The following KLHL25 variants were observed in gnomAD, a reference collection of about 807,000 sequenced individuals.
The protein encoded by KLHL25 is kelch like family member 25.
Under a neutral mutation model 30.0 loss-of-function variants are expected in KLHL25, and 41 were observed. That is an observed-to-expected ratio of 1.37 (90% confidence interval 1.07 to 1.78). The LOEUF (loss-of-function observed/expected upper bound fraction) is 1.78, where lower values mean the gene tolerates loss of function less well. Ranked by LOEUF, KLHL25 falls within the 40% of genes most tolerant of loss-of-function variation. The pLI is 0.00. For missense variants in KLHL25, 971 were observed against 824.5 expected (o/e 1.18, Z -2.18); for synonymous variants, 399 against 355.3 (o/e 1.12, Z -1.38).
chr15:85,769,748 G>A lies in KLHL25; in HGVS notation c.63C>T (p.Thr21=), dbSNP rs745326438. ...SRSSTGSMNV[T]LFHKASHPDC... The stretch of plus-strand genomic sequence containing the variant: ...CCGGGTGGGAGGCCTTGTGGAAGAG[G>A]GTGACGTTCATGGACCCCGTGCTGC... The change falls in exon 2 of 3, where the codon ACC becomes ACT. Residue 21 remains threonine, a synonymous_variant. Transcript: ENST00000337975. The A allele has an allele frequency of 1.2e-6, 2 of 1,613,636 alleles. No homozygotes were observed. Among genetic ancestry groups the A allele is most frequent in the Non-Finnish European group, 1.7e-6 (2 of 1,180,034 alleles).
At chr15:85,776,421 G>A (rs957387006) in intron 1 of KLHL25, among the ~76,000 whole-genome samples, 2 of 151,738 alleles carry the variant, frequency 1.3e-5, no homozygotes, top group African/African-American at 2.4e-5. Context: ...CCTGGGAGGT[G>A]AAGGTTGCAG....
chr15:85,762,078 C>A (rs1159801239), intron 2 of KLHL25: 1 of 152,340 alleles, frequency 6.6e-6, no homozygotes, highest in Non-Finnish European at 1.5e-5. Flanking sequence ...CTGCCCTCCC[C>A]ACGTGCTCAA....
intron 1 of KLHL25, chr15:85,770,504 T>A (rs1426865381): frequency 1.9e-6 from 1 of 534,330 alleles, no homozygotes; most frequent in Admixed American, 1.9e-5. Context: ...AGAGCCGCCA[T>A]CAAGGCCCAA....
intron 1 of KLHL25, among the ~76,000 whole-genome samples, chr15:85,777,257 T>C (rs1379431216): frequency 6.6e-6 from 1 of 152,140 alleles, no homozygotes; most frequent in Non-Finnish European, 1.5e-5. Context: ...CAGCCAATGC[T>C]CACCCCAATA....
chr15:85,775,865 A>T (rs1189558746), intron 1 of KLHL25, among the ~76,000 whole-genome samples: 8 of 5,944 alleles, frequency 1.3e-3, no homozygotes, highest in East Asian at 0.053. Context: ...TGGCTCGTTT[A>T]AAAAAAAAAA....
At chr15:85,788,280 C>G (rs1421702805) in intron 1 of KLHL25, among the ~76,000 whole-genome samples, 1 of 152,172 alleles carries the variant, frequency 6.6e-6, no homozygotes, top group Non-Finnish European at 1.5e-5. Context: ...AGGCCTTTCT[C>G]TGATCCTCCC....
At chr15:85,766,245 G>A (rs528647098) in intron 2 of KLHL25, among the ~76,000 whole-genome samples, 7 of 152,200 alleles carry the variant, frequency 4.6e-5, no homozygotes, top group East Asian at 3.8e-4. Context: ...GGCTCCCTCC[G>A]GCAGGACAGC....
chr15:85,769,591 T>G lies in KLHL25; in HGVS notation c.220A>C (p.Met74Leu). 1 of 1,613,808 alleles carries G rather than the reference T, an allele frequency of 6.2e-7. No individual in the cohort carries two copies. Among genetic ancestry groups the G allele is most frequent in the Non-Finnish European group, 8.5e-7 (1 of 1,180,024 alleles). ...LAASSRYFEA[M>L]FSHGLRESRD... is the part of the protein sequence containing the mutation. Reference sequence around the variant, plus strand: ...CTCTCCCGAAGGCCATGGCTGAACATGGCCTCAAAATAGCGGCTAGAGGCG... The same window carrying G: ...CTCTCCCGAAGGCCATGGCTGAACAGGGCCTCAAAATAGCGGCTAGAGGCG... Residue 74 changes from methionine to leucine, a missense_variant, in exon 2 of 3, where the codon ATG becomes CTG. Physicochemically the swap from Met to Leu is conservative, Grantham distance 15 (BLOSUM62 2). Transcript: ENST00000337975.
At position 85,764,974 on chromosome 15, in the gene KLHL25, G is replaced by A. The variant is rs1273796702; in HGVS notation, c.*24+3043C>T. ...TCTCCTTCCAGGGTCCCTGGGATCA[G>A]AGCAATTCCTGGGAGAGTACATGGT... On this transcript the variant is annotated intron_variant, in intron 2 of 2. Coordinates refer to ENST00000337975, the MANE Select transcript of KLHL25 (RefSeq NM_022480.4). Among the ~76,000 whole-genome samples, 3 of 152,234 alleles carry A rather than the reference G, an allele frequency of 2.0e-5. No individual in the cohort carries two copies. The South Asian group carries it at 6.2e-4, about 31-fold the overall frequency.
At position 85,784,670 on chromosome 15, in the gene KLHL25, G is replaced by A. The variant is rs568125295; in HGVS notation, c.-11+10096C>T. Among the ~76,000 whole-genome samples the A allele has an allele frequency of 1.2e-4, 19 of 152,292 alleles. No individual in the cohort carries two copies. The South Asian group carries it at 3.5e-3, about 28-fold the overall frequency. On this transcript the variant is annotated intron_variant, in intron 1 of 2. Coordinates refer to ENST00000337975, the MANE Select transcript of KLHL25 (RefSeq NM_022480.4). ...ATGGAGGGCATTGAGACTAGAACCC[G>A]GCTGCAGCCAGCAAGGAAATGGGGA...
intron 1 of KLHL25, among the ~76,000 whole-genome samples, chr15:85,788,207 T>C (rs1376706548): frequency 1.3e-5 from 2 of 152,208 alleles, no homozygotes; most frequent in Non-Finnish European, 2.9e-5. Context: ...CTGTGCCTCA[T>C]GATGTCTCTG....
At chr15:85,765,471 C>T (rs981982814) in intron 2 of KLHL25, among the ~76,000 whole-genome samples, 3 of 151,950 alleles carry the variant, frequency 2.0e-5, no homozygotes, top group African/African-American at 7.3e-5. Flanking sequence ...ACTACAAATA[C>T]AAAAATTAGC....
At chr15:85,791,501 A>T (rs996644174) in intron 1 of KLHL25, among the ~76,000 whole-genome samples, 1 of 152,178 alleles carries the variant, frequency 6.6e-6, no homozygotes, top group Non-Finnish European at 1.5e-5. Context: ...TCTCAAAAGA[A>T]AAAAAGGTTA....
Position 85,769,637 on chromosome 15 carries a change from G to A in KLHL25, c.174C>T (p.Pro58=), listed in dbSNP as rs747048239. Residue 58 remains proline, a synonymous_variant, in exon 2 of 3, where the codon CCC becomes CCT. Transcript: ENST00000337975. ...AGGCGGCCAGCACGGCACGGTGACA[G>A]GGGAAGGCACGGTCGCCCGCCCAGA... ...VTLWAGDRAF[P]CHRAVLAASS... is the part of the protein sequence containing the mutation. The A allele has an allele frequency of 1.3e-5, 21 of 1,613,494 alleles. No homozygotes were observed. Among genetic ancestry groups the A allele is most frequent in the East Asian group, 4.5e-5 (2 of 44,878 alleles).
At chr15:85,787,073 A>AT (rs893597375) in intron 1 of KLHL25, among the ~76,000 whole-genome samples, 5 of 152,036 alleles carry the variant, frequency 3.3e-5, no homozygotes, top group African/African-American at 9.6e-5. Flanking sequence ...CTGAATAAAC[A>AT]TTTTTTTTAA....
intron 1 of KLHL25, among the ~76,000 whole-genome samples, chr15:85,787,233 G>C (rs554128871): frequency 0.013 from 2,018 of 152,154 alleles, 48 homozygotes; most frequent in African/African-American, 0.047. Flanking sequence ...GATCACCTGA[G>C]GTCAGGAGTT....
intron 2 of KLHL25, among the ~76,000 whole-genome samples, chr15:85,766,277 T>G (rs1183811574): frequency 6.6e-6 from 1 of 152,198 alleles, no homozygotes; most frequent in Non-Finnish European, 1.5e-5. Context: ...AGTCTCGTCC[T>G]GTGCTGGAGG....
chr15:85,793,187 G>A (rs1413491403), intron 1 of KLHL25, among the ~76,000 whole-genome samples: 1 of 151,882 alleles, frequency 6.6e-6, no homozygotes, highest in Non-Finnish European at 1.5e-5. Flanking sequence ...GCTATTAAGG[G>A]GCATCGGGCT....
chr15:85,775,440 C>T (rs1202980153), intron 1 of KLHL25, among the ~76,000 whole-genome samples: 1 of 152,182 alleles, frequency 6.6e-6, no homozygotes, highest in African/African-American at 2.4e-5. Context: ...AAACCCAAGA[C>T]ACGGCCCTTC....
Sources: allele counts gnomAD v4.1 joint callset (sites outside exome capture counted in the v4.1 genomes callset), GRCh38; gene constraint gnomAD v4.1.1; transcripts MANE v1.5; gene names NCBI Gene and HGNC (gene_info 2026-07-23, HGNC 2026-07-21).